The following DIAPH3 variants were observed in gnomAD, a reference collection of about 807,000 sequenced individuals.
DIAPH3 encodes the protein protein diaphanous homolog 3.
DIAPH3 carries 117 observed loss-of-function variants against 144.3 expected under a neutral mutation model. The ratio of observed to expected loss-of-function variants is 0.81; its 90% CI spans 0.70 to 0.95. The LOEUF is 0.95. DIAPH3 is among the 40% of genes least tolerant of loss of function. The pLI is 0.00. For missense variants in DIAPH3, 1,421 were observed against 1,412.7 expected (o/e 1.01, Z -0.09); for synonymous variants, 519 against 488.9 (o/e 1.06, Z -0.81).
chr13:59,790,336 T>C (rs2039262728), intron 25 of DIAPH3, among the ~76,000 whole-genome samples: 1 of 152,200 alleles, frequency 6.6e-6, no homozygotes, highest in Admixed American at 6.5e-5. Flanking sequence ...CACAGAACCA[T>C]ATAGATATCA....
intron 4 of DIAPH3, among the ~76,000 whole-genome samples, chr13:60,067,471 A>G (rs990549453): frequency 2.0e-5 from 3 of 152,132 alleles, no homozygotes; most frequent in Non-Finnish European, 4.4e-5. Context: ...AGATACAGCC[A>G]TGGATATATA....
rs557783319 is a variant in DIAPH3 at position 59,820,769 on chromosome 13, G to GTGTTATAATAGTATTAAATACTATTTAA, written c.3028-9874_3028-9847dup. Among the ~76,000 whole-genome samples, 671 of 150,340 alleles carry GTGTTATAATAGTATTAAATACTATTTAA rather than the reference G, an allele frequency of 4.5e-3. 2 individuals are homozygous for GTGTTATAATAGTATTAAATACTATTTAA. The highest frequency in any genetic ancestry group is 8.3e-3 in the African/African-American group (339 of 41,090). ...AAATGATAGCATTAAATACTATTTA[G>GTGTTATAATAGTATTAAATACTATTTAA]TGTTATAATAGTATTAAATACTATT... is the stretch of plus-strand genomic sequence containing the variant. On this transcript the variant is annotated intron_variant, in intron 24 of 27. Transcript: ENST00000400324.
intron 4 of DIAPH3, among the ~76,000 whole-genome samples, chr13:60,063,995 T>C (rs2056866711): frequency 6.6e-6 from 1 of 152,168 alleles, no homozygotes; most frequent in Non-Finnish European, 1.5e-5. Context: ...AAATGCACTG[T>C]CAATGAACAG....
chr13:59,916,097 T>C (rs1566510722), intron 19 of DIAPH3, 58 bp downstream of exon 19: 2 of 1,453,822 alleles, frequency 1.4e-6, no homozygotes, highest in Non-Finnish European at 1.9e-6. Flanking sequence ...TACAGATTTC[T>C]ATTTAATGAG....
intron 21 of DIAPH3, among the ~76,000 whole-genome samples, chr13:59,875,654 G>T (rs993224719): frequency 1.3e-5 from 2 of 152,024 alleles, no homozygotes; most frequent in African/African-American, 4.8e-5. Flanking sequence ...CACTATTTTT[G>T]CTCATGAAGT....
At chr13:59,902,266 T>C (rs1448613619) in intron 20 of DIAPH3, among the ~76,000 whole-genome samples, 1 of 152,110 alleles carries the variant, frequency 6.6e-6, no homozygotes, top group Non-Finnish European at 1.5e-5. Flanking sequence ...TTTCCCCCTT[T>C]GGTGCTGTTC....
chr13:59,928,929 C>T (rs539071658), intron 17 of DIAPH3, among the ~76,000 whole-genome samples: 19 of 152,162 alleles, frequency 1.2e-4, no homozygotes, highest in Non-Finnish European at 2.8e-4. Context: ...ATGGCAGTCC[C>T]ACACTGGAGG....
chr13:59,745,095 G>A (rs2036637437), intron 27 of DIAPH3, among the ~76,000 whole-genome samples: 1 of 152,164 alleles, frequency 6.6e-6, no homozygotes, highest in African/African-American at 2.4e-5. Context: ...CTGCTAGAAA[G>A]GAAGAATTTA....
chr13:59,919,196 C>CTTT (rs2047392682), intron 18 of DIAPH3, among the ~76,000 whole-genome samples: 1 of 151,846 alleles, frequency 6.6e-6, no homozygotes, highest in East Asian at 1.9e-4. Flanking sequence ...CATTAAAGAG[C>CTTT]AAAAACGTGT....
intron 15 of DIAPH3, among the ~76,000 whole-genome samples, chr13:59,973,550 A>ATAGC: frequency 6.6e-6 from 1 of 152,128 alleles, no homozygotes; most frequent in Non-Finnish European, 1.5e-5. Context: ...ATACTAACAG[A>ATAGC]TAGCTATCTC....
chr13:59,814,745 C>A (rs747318936), intron 24 of DIAPH3, among the ~76,000 whole-genome samples: 10 of 152,146 alleles, frequency 6.6e-5, no homozygotes, highest in Admixed American at 1.3e-4. Flanking sequence ...AGTCAGCTGG[C>A]AAATAAACCG....
At chr13:59,708,426 C>T (rs2034548080) in intron 27 of DIAPH3, among the ~76,000 whole-genome samples, 1 of 152,098 alleles carries the variant, frequency 6.6e-6, no homozygotes, top group South Asian at 2.1e-4. Context: ...ACTAAAATTC[C>T]CCTTCTTCTT....
intron 20 of DIAPH3, among the ~76,000 whole-genome samples, chr13:59,888,654 A>G (rs1439139084): frequency 6.6e-6 from 1 of 152,106 alleles, no homozygotes; most frequent in Non-Finnish European, 1.5e-5. Flanking sequence ...ATAAGAAAAA[A>G]GGTTTTATTT....
intron 17 of DIAPH3, among the ~76,000 whole-genome samples, chr13:59,929,987 C>T (rs545782833): frequency 6.6e-6 from 1 of 152,236 alleles, no homozygotes; most frequent in African/African-American, 2.4e-5. Context: ...GATTTAATAT[C>T]TTGACAATTT....
intron 27 of DIAPH3, among the ~76,000 whole-genome samples, chr13:59,719,129 T>A (rs2138889394): frequency 6.6e-6 from 1 of 152,334 alleles, no homozygotes; most frequent in Admixed American, 6.5e-5. Flanking sequence ...CTGCTCTTTT[T>A]CTTCTGACAT....
rs143335886 is a variant in DIAPH3, at chr13:59,995,536, A to T, written c.1015-2953T>A. Among the ~76,000 whole-genome samples the T allele has an allele frequency of 3.7e-4, 56 of 152,042 alleles. 1 individual carries two copies. The East Asian group carries it at 0.01, about 27-fold the overall frequency. The stretch of plus-strand genomic sequence containing the variant: ...TCATTCCTTCAAAGCCTATTTATTG[A>T]TGCCTACTATATACCAGGCACTGTT... On this transcript the variant is annotated intron_variant, in intron 9 of 27. Transcript: ENST00000400324.
intron 2 of DIAPH3, among the ~76,000 whole-genome samples, chr13:60,130,078 T>C (rs926725623): frequency 6.6e-6 from 1 of 152,148 alleles, no homozygotes; most frequent in African/African-American, 2.4e-5. Context: ...AAGTGAACAA[T>C]CAAATAATTG....
At chr13:59,974,790 TAGAG>T (rs1168147277) in intron 14 of DIAPH3, among the ~76,000 whole-genome samples, 2 of 152,118 alleles carry the variant, frequency 1.3e-5, no homozygotes, top group African/African-American at 4.8e-5. Flanking sequence ...TGTAAAATAA[TAGAG>T]AGCAAAGCAT....
At chr13:59,704,383 T>C (rs2138776731) in intron 27 of DIAPH3, among the ~76,000 whole-genome samples, 1 of 152,350 alleles carries the variant, frequency 6.6e-6, no homozygotes, top group South Asian at 2.1e-4. Context: ...GTCCTCACTG[T>C]TTCCACAGCT....
Sources: gnomAD v4.1 joint callset for allele counts (sites outside exome capture counted in the v4.1 genomes callset) on GRCh38, gnomAD v4.1.1 for gene constraint, MANE v1.5 for transcripts, NCBI Gene and HGNC (gene_info 2026-07-23, HGNC 2026-07-21) for gene names.